The following SHISA9 variants were observed in gnomAD, a reference collection of about 807,000 sequenced individuals.
SHISA9 encodes shisa family member 9.
SHISA9 carries 13 observed loss-of-function variants against 38.0 expected under a neutral mutation model. That is an observed-to-expected ratio of 0.34 (90% CI 0.22 to 0.54). The LOEUF (loss-of-function observed/expected upper bound fraction) is 0.54. Among genes scored for constraint, SHISA9 ranks in the 20% least tolerant of loss-of-function variants. The probability of loss-of-function intolerance (pLI) is 0.91; values close to 1 mark genes in which losing one functional copy is unlikely to be tolerated. For synonymous variants in SHISA9, 275 were observed against 242.0 expected (o/e 1.14, Z -1.27); for missense variants, 538 against 575.8 (o/e 0.93, Z 0.67).
the SHISA9 span, among the ~76,000 whole-genome samples, chr16:13,254,706 A>C: frequency 6.6e-6 from 1 of 152,202 alleles, no homozygotes; most frequent in Admixed American, 6.5e-5. Context: ...AATTCTTCAG[A>C]AGCAACATCA....
the SHISA9 span, among the ~76,000 whole-genome samples, chr16:13,461,733 C>T: frequency 6.6e-6 from 1 of 150,408 alleles, no homozygotes; most frequent in East Asian, 2.0e-4. Flanking sequence ...CCTGCCTCAG[C>T]CTCTCGAGTA....
chr16:13,492,256 T>G, the SHISA9 span, among the ~76,000 whole-genome samples: 1 of 152,166 alleles, frequency 6.6e-6, no homozygotes, highest in African/African-American at 2.4e-5. Flanking sequence ...GAAAATGTGC[T>G]GGAGCCTCTG....
rs1203937780 is a variant in SHISA9, at chr16:12,902,195, G to T, written c.131G>T (p.Gly44Val). ...GGCGGCGTGTTGCTGCTGGCGGGGG[G>T]CAACCGCTCCGGGGCCGCCTCCGGA... ...QLGGVLLLAG[G>V]NRSGAASGEA... The change falls in exon 1 of 5, where the codon GGC (glycine) becomes GTC (valine). Residue 44 changes from glycine (G) to valine (V), a missense_variant. Gly to Val is a moderately radical substitution (Grantham distance 109). Coordinates refer to ENST00000558583, the MANE Select transcript of SHISA9 (RefSeq NM_001145204.3). The T allele has an allele frequency of 1.1e-5, 17 of 1,530,112 alleles. No individual in the cohort carries two copies. The highest frequency in any genetic ancestry group is 7.9e-5 in the Admixed American group (4 of 50,344). 94.8% of individuals were successfully genotyped at this position (1,530,112 alleles called of 1,614,324 possible).
intron 2 of SHISA9, among the ~76,000 whole-genome samples, chr16:12,979,138 T>C (rs2072207068): frequency 6.6e-6 from 1 of 152,194 alleles, no homozygotes; most frequent in African/African-American, 2.4e-5. Flanking sequence ...TTCCCATCGC[T>C]CCTGCCTTCA....
chr16:13,146,040 T>C (rs2142000185), intron 2 of SHISA9, among the ~76,000 whole-genome samples: 1 of 152,280 alleles, frequency 6.6e-6, no homozygotes, highest in South Asian at 2.1e-4. Flanking sequence ...ATACAAAAAT[T>C]AGCGAGGTGT....
At chr16:13,399,909 A>C in the SHISA9 span, among the ~76,000 whole-genome samples, 35 of 152,338 alleles carry the variant, frequency 2.3e-4, no homozygotes, top group African/African-American at 7.7e-4. Flanking sequence ...GGAACAGTAA[A>C]TGCTCAGTCC....
rs117172472 is a variant in SHISA9, at chr16:12,999,134, C to G, written c.691+82319C>G. ...CATGCCTGGAGAAAGCTTACCTAACCTGTATTTTCTTTATAAGGCACATCA... is the reference window on the plus strand; with the variant it reads ...CATGCCTGGAGAAAGCTTACCTAACGTGTATTTTCTTTATAAGGCACATCA... On this transcript the variant is annotated intron_variant, in intron 2 of 4. Transcript: ENST00000558583. Among the ~76,000 whole-genome samples the G allele has an allele frequency of 6.0e-3, 917 of 152,276 alleles. 7 individuals are homozygous for G. The highest frequency in any genetic ancestry group is 0.034 in the Middle Eastern group (10 of 294).
At chr16:13,464,696 A>C in the SHISA9 span, among the ~76,000 whole-genome samples, 1 of 152,192 alleles carries the variant, frequency 6.6e-6, no homozygotes. Flanking sequence ...AATATACAGT[A>C]AAGTAAATAA....
At chr16:13,314,006 T>A in the SHISA9 span, among the ~76,000 whole-genome samples, 15 of 151,996 alleles carry the variant, frequency 9.9e-5, no homozygotes, top group African/African-American at 3.4e-4. Context: ...GAGTCAGAGG[T>A]CGTGGGATTT....
the SHISA9 span, among the ~76,000 whole-genome samples, chr16:13,340,182 A>G: frequency 6.6e-6 from 1 of 152,186 alleles, no homozygotes; most frequent in African/African-American, 2.4e-5. Flanking sequence ...GTGGCTGTCA[A>G]GATTATCTCT....
chr16:13,361,946 T>G, the SHISA9 span, among the ~76,000 whole-genome samples: 2 of 152,198 alleles, frequency 1.3e-5, no homozygotes, highest in Non-Finnish European at 2.9e-5. Flanking sequence ...TAAAGAATTA[T>G]GGGCTTTGGA....
At chr16:12,983,163 C>A (rs1390245401) in intron 2 of SHISA9, among the ~76,000 whole-genome samples, 1 of 152,178 alleles carries the variant, frequency 6.6e-6, no homozygotes, top group African/African-American at 2.4e-5. Flanking sequence ...AAAAGCCAGG[C>A]TGCAGAGAGA....
chr16:13,375,354 T>C, the SHISA9 span, among the ~76,000 whole-genome samples: 1 of 152,218 alleles, frequency 6.6e-6, no homozygotes, highest in South Asian at 2.1e-4. Flanking sequence ...TTGTATAAGA[T>C]GTAAGGAAGG....
At chr16:13,404,182 G>A in the SHISA9 span, among the ~76,000 whole-genome samples, 6 of 152,098 alleles carry the variant, frequency 3.9e-5, no homozygotes, top group African/African-American at 1.2e-4. Context: ...TAACAACAAT[G>A]ACGTATCTAG....
chr16:13,064,586 C>T (rs1182714504), intron 2 of SHISA9, among the ~76,000 whole-genome samples: 2 of 152,000 alleles, frequency 1.3e-5, no homozygotes, highest in African/African-American at 4.8e-5. Context: ...TGTGTATGCA[C>T]AAATGTGCAC....
At chr16:13,247,041 C>G in the SHISA9 span, among the ~76,000 whole-genome samples, 1 of 151,516 alleles carries the variant, frequency 6.6e-6, no homozygotes, top group Non-Finnish European at 1.5e-5. Flanking sequence ...TTAAGTGACT[C>G]ACAGTTCCAC....
At chr16:13,554,893 G>A in the SHISA9 span, among the ~76,000 whole-genome samples, 1 of 152,232 alleles carries the variant, frequency 6.6e-6, no homozygotes, top group Non-Finnish European at 1.5e-5. Flanking sequence ...GGGTGAGGAA[G>A]AAAAGAAGAA....
the SHISA9 span, among the ~76,000 whole-genome samples, chr16:13,445,609 C>A: frequency 4.6e-5 from 7 of 152,220 alleles, no homozygotes; most frequent in East Asian, 1.4e-3. Flanking sequence ...TAATTCATAG[C>A]GCTATGAGAT....
At chr16:13,541,651 A>G in the SHISA9 span, among the ~76,000 whole-genome samples, 1 of 152,226 alleles carries the variant, frequency 6.6e-6, no homozygotes, top group Non-Finnish European at 1.5e-5. Context: ...CGTTGTTTCT[A>G]TGAACACACT....
Sources: gnomAD v4.1 joint callset for allele counts (sites outside exome capture counted in the v4.1 genomes callset) on GRCh38, gnomAD v4.1.1 for gene constraint, MANE v1.5 for transcripts, NCBI Gene and HGNC (gene_info 2026-07-23, HGNC 2026-07-21) for gene names.